The following PCBP3 variants were observed in gnomAD, a reference collection of about 807,000 sequenced individuals.
PCBP3 encodes the protein poly(rC) binding protein 3.
Under a neutral mutation model 52.7 loss-of-function variants are expected in PCBP3, and 25 were observed. The observed-to-expected ratio is 0.47, with a 90% CI of 0.35 to 0.66. The LOEUF is 0.66. PCBP3 is among the 30% of genes least tolerant of loss of function. PCBP3 has a pLI of 0.01. For missense variants in PCBP3, 391 were observed against 490.3 expected, an observed-to-expected ratio of 0.80 and a Z score of 1.91; for synonymous variants, 162 against 183.0, an observed-to-expected ratio of 0.89 and a Z score of 0.93.
chr21:45,690,574 A>T (rs934303192), intron 2 of PCBP3, among the ~76,000 whole-genome samples: 1 of 152,162 alleles, frequency 6.6e-6, no homozygotes, highest in East Asian at 1.9e-4. Flanking sequence ...ATATATCTGA[A>T]AAAAGGACTA....
intron 3 of PCBP3, among the ~76,000 whole-genome samples, chr21:45,747,493 T>C (rs1455320712): frequency 6.6e-6 from 1 of 152,212 alleles, no homozygotes; most frequent in African/African-American, 2.4e-5. Flanking sequence ...TAGGTGCTGC[T>C]GCAGTGACAG....
chr21:45,678,439 C>G (rs948131554), intron 2 of PCBP3, among the ~76,000 whole-genome samples: 1 of 152,206 alleles, frequency 6.6e-6, no homozygotes, highest in Admixed American at 6.5e-5. Context: ...TCACCGTTCT[C>G]GATGTCATTA....
rs1181572938 is a variant in PCBP3 at position 45,788,966 on chromosome 21, G to A, written c.-126+33514G>A. The stretch of plus-strand genomic sequence containing the variant: ...GCTGGAAGAATTGAATTGCTGTCCA[G>A]ATCCAACAGACTTATTCAGCCAACA... On this transcript the variant is annotated intron_variant, in intron 4 of 17. Transcript: ENST00000681687. This position sits in a 1 kb window ranked among gnomAD's most constrained non-coding sequence, Gnocchi z 4.3. Among the ~76,000 whole-genome samples the A allele has an allele frequency of 6.6e-6, 1 of 152,218 alleles. No individual in the cohort carries two copies. Among genetic ancestry groups the A allele is most frequent in the Non-Finnish European group, 1.5e-5 (1 of 68,034 alleles).
chr21:45,850,141 T>C (rs1489545002), intron 5 of PCBP3, 46 bp downstream of exon 5: 5 of 1,497,642 alleles, frequency 3.3e-6, no homozygotes, highest in South Asian at 2.4e-5. Flanking sequence ...TTACCAAGAG[T>C]GTATATAACA....
Position 45,880,142 on chromosome 21 carries a change from TC to T in PCBP3, c.11-16064del, listed in dbSNP as rs1268387194. Among the ~76,000 whole-genome samples the T allele has an allele frequency of 6.6e-6, 1 of 152,234 alleles. No individual in the cohort carries two copies. Among genetic ancestry groups the T allele is most frequent in the East Asian group, 1.9e-4 (1 of 5,188 alleles). On this transcript the variant is annotated intron_variant, in intron 5 of 17. Transcript: ENST00000681687. This position sits in a 1 kb window ranked among gnomAD's most constrained non-coding sequence, Gnocchi z 5.4. ...TGCATCCTTTTTATTGACAAGACGT[TC>T]CTGTCGTGAGTGGTTTTCCTCTGGC...
At chr21:45,795,124 A>C (rs1252522355) in intron 4 of PCBP3, among the ~76,000 whole-genome samples, 1 of 152,204 alleles carries the variant, frequency 6.6e-6, no homozygotes, top group Non-Finnish European at 1.5e-5. Flanking sequence ...ACATAATTAC[A>C]TAGCTGTGAA....
At chr21:45,889,382 C>G (rs2095599580) in intron 5 of PCBP3, among the ~76,000 whole-genome samples, 1 of 152,242 alleles carries the variant, frequency 6.6e-6, no homozygotes, top group African/African-American at 2.4e-5. Flanking sequence ...TACTGTTCCC[C>G]TGATGCCTCC....
chr21:45,814,620 AGTGATGAGTG>A (rs2092791095), intron 4 of PCBP3, among the ~76,000 whole-genome samples: 1 of 94,932 alleles, frequency 1.1e-5, no homozygotes, highest in Non-Finnish European at 2.0e-5. Context: ...GTGAGTGGTG[AGTGATGAGTG>A]GTGAGTGGTG....
chr21:45,897,547 T>C (rs1285340801), intron 6 of PCBP3, among the ~76,000 whole-genome samples: 4 of 152,150 alleles, frequency 2.6e-5, no homozygotes, highest in African/African-American at 9.7e-5. Flanking sequence ...TTCCCCGGCT[T>C]TTCCTTCCAT....
intron 1 of PCBP3, among the ~76,000 whole-genome samples, chr21:45,666,761 C>T (rs934120498): frequency 4.0e-5 from 6 of 149,996 alleles, no homozygotes; most frequent in Non-Finnish European, 5.9e-5. Flanking sequence ...TGGGGTCTTG[C>T]TCTGTCTCCA....
chr21:45,775,608 A>G (rs1391000967), intron 4 of PCBP3, among the ~76,000 whole-genome samples: 2 of 152,072 alleles, frequency 1.3e-5, no homozygotes, highest in East Asian at 1.9e-4. Context: ...CTTTAGAGAT[A>G]AGGTCTTGCT....
At chr21:45,891,415 AAAG>A (rs1286784049) in intron 5 of PCBP3, among the ~76,000 whole-genome samples, 1 of 152,252 alleles carries the variant, frequency 6.6e-6, no homozygotes, top group Admixed American at 6.5e-5. Context: ...TCTAAACAGA[AAAG>A]AACTGTTTAT....
chr21:45,786,438 C>T (rs1386394910), intron 4 of PCBP3, among the ~76,000 whole-genome samples: 1 of 152,012 alleles, frequency 6.6e-6, no homozygotes, highest in Non-Finnish European at 1.5e-5. Context: ...TTATAGGCGC[C>T]CACCAATGTG....
chr21:45,730,848 CT>C (rs567703488), intron 2 of PCBP3, among the ~76,000 whole-genome samples: 1 of 151,802 alleles, frequency 6.6e-6, no homozygotes, highest in East Asian at 1.9e-4. Flanking sequence ...GTCACTCCAC[CT>C]TTTTTTTATT....
chr21:45,711,732 T>G (rs1253419824), intron 2 of PCBP3, among the ~76,000 whole-genome samples: 2 of 152,246 alleles, frequency 1.3e-5, no homozygotes, highest in Non-Finnish European at 2.9e-5. Flanking sequence ...ACAGTTAGAT[T>G]GTTTTGTCAC....
intron 5 of PCBP3, among the ~76,000 whole-genome samples, chr21:45,851,898 A>G (rs2094022085): frequency 6.6e-6 from 1 of 152,262 alleles, no homozygotes; most frequent in Admixed American, 6.5e-5. Context: ...ACTTTAAGGA[A>G]CACTTGATTT....
At chr21:45,707,661 T>C (rs2083542425) in intron 2 of PCBP3, among the ~76,000 whole-genome samples, 1 of 152,248 alleles carries the variant, frequency 6.6e-6, no homozygotes, top group Non-Finnish European at 1.5e-5. Flanking sequence ...GATCCTTGAC[T>C]GAGGCATAAT....
intron 4 of PCBP3, among the ~76,000 whole-genome samples, chr21:45,770,743 C>T (rs1313742595): frequency 6.6e-6 from 1 of 152,250 alleles, no homozygotes; most frequent in Non-Finnish European, 1.5e-5. Flanking sequence ...GGGTCCCCCC[C>T]AGCCTTGTGG....
At chr21:45,747,523 C>G (rs931391332) in intron 3 of PCBP3, among the ~76,000 whole-genome samples, 1 of 152,234 alleles carries the variant, frequency 6.6e-6, no homozygotes, top group Non-Finnish European at 1.5e-5. Flanking sequence ...TCCAGCCCCT[C>G]CCAGCCAAGA....
Sources: gnomAD v4.1 joint callset for allele counts (sites outside exome capture counted in the v4.1 genomes callset) on GRCh38, gnomAD v4.1.1 for gene constraint, Gnocchi (gnomAD v3.1) non-coding constraint, MANE v1.5 for transcripts, NCBI Gene and HGNC (gene_info 2026-07-23, HGNC 2026-07-21) for gene names.